The following GABPB2 variants were observed in gnomAD, a reference collection of about 807,000 sequenced individuals.
The protein encoded by GABPB2 is GA binding protein transcription factor subunit beta 2.
Under a neutral mutation model 39.1 loss-of-function variants are expected in GABPB2, and 23 were observed. The ratio of observed to expected loss-of-function variants is 0.59; its 90% CI spans 0.42 to 0.83. GABPB2 has a LOEUF of 0.83. Among genes scored for constraint, GABPB2 ranks in the 40% least tolerant of loss-of-function variants. The pLI, the probability that GABPB2 is intolerant of heterozygous loss-of-function variation, is 0.00. For missense variants in GABPB2, 467 were observed against 541.1 expected, an observed-to-expected ratio of 0.86 and a Z score of 1.36; for synonymous variants, 184 against 199.3, an observed-to-expected ratio of 0.92 and a Z score of 0.65.
intron 4 of GABPB2, among the ~76,000 whole-genome samples, chr1:151,095,032 G>T (rs1434825679): frequency 6.6e-6 from 1 of 151,276 alleles, no homozygotes; most frequent in African/African-American, 2.4e-5. Flanking sequence ...AAATTAATAG[G>T]ACATGAAGTG....
chr1:151,109,365 T>TATATATATATA (rs1491291362), intron 7 of GABPB2, among the ~76,000 whole-genome samples: 89 of 69,090 alleles, frequency 1.3e-3, no homozygotes, highest in African/African-American at 4.1e-3. Flanking sequence ...TATATATATA[T>TATATATATATA]TTTTTTTTTT....
At position 151,083,237 on chromosome 1, in the gene GABPB2, G is replaced by A. The variant is rs587688664; in HGVS notation, c.1-4953G>A. ...TATTACCACTTATTTCATCAGGAAA[G>A]TCTTTAATGTGAGTTACCAAGTTGA... On this transcript the variant is annotated intron_variant, in intron 1 of 8. Coordinates refer to ENST00000368918, the MANE Select transcript of GABPB2 (RefSeq NM_144618.3). Among the ~76,000 whole-genome samples the A allele has an allele frequency of 1.2e-4, 18 of 152,290 alleles. No homozygotes were observed. The South Asian group carries it at 3.7e-3, about 32-fold the overall frequency.
intron 2 of GABPB2, among the ~76,000 whole-genome samples, chr1:151,089,940 A>T (rs1473431508): frequency 4.2e-5 from 6 of 143,758 alleles, no homozygotes; most frequent in African/African-American, 5.1e-5. Flanking sequence ...TAGCATGTTA[A>T]TTTTTTTTTT....
Position 151,120,456 on chromosome 1 carries a change from G to A in GABPB2, c.*2200G>A, listed in dbSNP as rs919620630. ...ACCCGGGAGGCGGCAGTTGCAATGA[G>A]CCGAGATGGCACCATTGCACTCCAA... On this transcript the variant is annotated 3_prime_UTR_variant, in exon 9 of 9. Transcript: ENST00000368918. The A allele has an allele frequency of 6.6e-6, 1 of 152,142 alleles. No individual in the cohort carries two copies. Among genetic ancestry groups the A allele is most frequent in the African/African-American group, 2.4e-5 (1 of 41,428 alleles). The allele number at this position is 152,142 out of a possible 1,614,324, so 9.4% of individuals were successfully genotyped here.
chr1:151,117,047 T>C (rs34761930), intron 7 of GABPB2, among the ~76,000 whole-genome samples: 13,411 of 152,288 alleles, frequency 0.088, 737 homozygotes, highest in African/African-American at 0.15. Context: ...TGAGCCATTC[T>C]CAGTGCTCTA....
intron 7 of GABPB2, among the ~76,000 whole-genome samples, chr1:151,112,916 G>A (rs1334912257): frequency 6.6e-6 from 1 of 150,960 alleles, no homozygotes; most frequent in African/African-American, 2.4e-5. Flanking sequence ...GACTACAGGT[G>A]TGCACCACCA....
Position 151,088,264 on chromosome 1 carries a change from G to C in GABPB2, c.75G>C (p.Leu25Phe). Residue 25 changes from leucine (L) to phenylalanine (F), a missense_variant, in exon 2 of 9, where the codon TTG (leucine) becomes TTC (phenylalanine). By Grantham distance (22) the Leu-to-Phe change is conservative (BLOSUM62 0). Transcript: ENST00000368918. ...GCCAAGATGATGAAGTGAGAACGTTGATGGCAAATGGCGCCCCATTCACCA... is the reference window on the plus strand; with the variant it reads ...GCCAAGATGATGAAGTGAGAACGTTCATGGCAAATGGCGCCCCATTCACCA... ...RKGQDDEVRT[L>F]MANGAPFTTD... 1 of 1,613,962 alleles carries C rather than the reference G, an allele frequency of 6.2e-7. No homozygotes were observed.
chr1:151,072,050 T>A (rs1194210657), intron 1 of GABPB2, among the ~76,000 whole-genome samples: 1 of 152,238 alleles, frequency 6.6e-6, no homozygotes, highest in Admixed American at 6.5e-5. Context: ...AGACCATATT[T>A]TCATCTAATC....
intron 1 of GABPB2, among the ~76,000 whole-genome samples, chr1:151,075,405 A>G (rs1677079059): frequency 6.6e-6 from 1 of 151,750 alleles, no homozygotes; most frequent in African/African-American, 2.4e-5. Context: ...TCTACTAAAA[A>G]TACAAAAAAT....
In GABPB2 at chr1:151,123,804, A is replaced by T. The variant is rs1681267960; in HGVS notation, c.*5548A>T. The T allele has an allele frequency of 2.0e-5, 3 of 151,722 alleles. No homozygotes were observed. The highest frequency in any genetic ancestry group is 4.1e-4 in the South Asian group (2 of 4,820). The allele number at this position is 151,722 out of a possible 1,614,324, so 9.4% of individuals were successfully genotyped here. A position where few individuals can be genotyped will look rare whatever the true frequency, so the allele number is the denominator to read the frequency against. Reference sequence around the variant, plus strand: ...GAGGCAGAGCTTGCAGTGAGCTGAGATCGCCCCACTGCAACAGATCGCCTG... The same window carrying T: ...GAGGCAGAGCTTGCAGTGAGCTGAGTTCGCCCCACTGCAACAGATCGCCTG... On this transcript the variant is annotated 3_prime_UTR_variant, in exon 9 of 9. Coordinates refer to ENST00000368918, the MANE Select transcript of GABPB2 (RefSeq NM_144618.3).
At chr1:151,090,639 A>G in intron 3 of GABPB2, 66 bp downstream of exon 3, 6 of 1,457,438 alleles carry the variant, frequency 4.1e-6, no homozygotes, top group Non-Finnish European at 5.7e-6. Flanking sequence ...TTTCTTACTT[A>G]AATGGGTACT....
intron 1 of GABPB2, among the ~76,000 whole-genome samples, chr1:151,080,382 A>G (rs1677566305): frequency 6.7e-6 from 1 of 149,902 alleles, no homozygotes; most frequent in Admixed American, 6.7e-5. Flanking sequence ...ATGGTGGCAC[A>G]TGCCTGTAAT....
chr1:151,113,760 C>T (rs1335103025), intron 7 of GABPB2, among the ~76,000 whole-genome samples: 2 of 152,014 alleles, frequency 1.3e-5, no homozygotes, highest in African/African-American at 2.4e-5. Context: ...TCAGGTGATC[C>T]GCCCACCTTG....
chr1:151,071,008 C>T (rs1301021540), intron 1 of GABPB2, 74 bp downstream of exon 1: 1 of 152,236 alleles, frequency 6.6e-6, no homozygotes, highest in Admixed American at 6.5e-5. Flanking sequence ...TGAGAAGTCA[C>T]ACCGCTTCCC....
intron 7 of GABPB2, among the ~76,000 whole-genome samples, chr1:151,109,363 TA>T (rs1267839508): frequency 1.0e-4 from 13 of 129,456 alleles, no homozygotes; most frequent in Admixed American, 3.2e-4. Flanking sequence ...TATATATATA[TA>T]TTTTTTTTTT....
chr1:151,116,838 G>A (rs1418357998), intron 7 of GABPB2, among the ~76,000 whole-genome samples: 1 of 151,970 alleles, frequency 6.6e-6, no homozygotes, highest in East Asian at 1.9e-4. Context: ...TTGAACTCCT[G>A]GGCTCAAGTG....
intron 7 of GABPB2, among the ~76,000 whole-genome samples, chr1:151,116,836 C>T (rs1007129990): frequency 6.6e-6 from 1 of 152,118 alleles, no homozygotes; most frequent in African/African-American, 2.4e-5. Flanking sequence ...TCTTGAACTC[C>T]TGGGCTCAAG....
chr1:151,108,875 T>A (rs1254735311), intron 7 of GABPB2, among the ~76,000 whole-genome samples: 1 of 152,184 alleles, frequency 6.6e-6, no homozygotes, highest in Non-Finnish European at 1.5e-5. Context: ...TACAACTCCA[T>A]GCCTTAAAAA....
At chr1:151,107,542 C>T (rs1680064648) in intron 7 of GABPB2, among the ~76,000 whole-genome samples, 1 of 151,180 alleles carries the variant, frequency 6.6e-6, no homozygotes, top group African/African-American at 2.4e-5. Context: ...CACTCTCTCA[C>T]CCAGGCTGGA....
Sources: allele counts gnomAD v4.1 joint callset (sites outside exome capture counted in the v4.1 genomes callset), GRCh38; gene constraint gnomAD v4.1.1; transcripts MANE v1.5; gene names NCBI Gene and HGNC (gene_info 2026-07-23, HGNC 2026-07-21).